KCNK9: variants seen among roughly 807,000 people sequenced by gnomAD.
KCNK9 encodes the protein potassium two pore domain channel subfamily K member 9, also known as potassium channel subfamily K member 9.
Under a neutral mutation model 10.8 loss-of-function variants are expected in KCNK9, and 1 was observed. The ratio of observed to expected loss-of-function variants is 0.09; its 90% CI spans 0.03 to 0.44. The LOEUF (loss-of-function observed/expected upper bound fraction) is 0.44. Among genes scored for constraint, KCNK9 ranks in the 20% least tolerant of loss-of-function variants. KCNK9 has a pLI of 0.97. For missense variants in KCNK9, 303 were observed against 515.0 expected (o/e 0.59, Z 3.98); for synonymous variants, 231 against 222.7 (o/e 1.04, Z -0.33).
At chr8:139,682,208 T>C (rs142330235) in intron 1 of KCNK9, among the ~76,000 whole-genome samples, 3,873 of 152,316 alleles carry the variant, frequency 0.025, 96 homozygotes, top group African/African-American at 0.061. Context: ...GAGAATATTC[T>C]AGAACAGTTA....
chr8:139,675,042 C>G (rs1816519129), intron 1 of KCNK9, among the ~76,000 whole-genome samples: 1 of 152,226 alleles, frequency 6.6e-6, no homozygotes, highest in African/African-American at 2.4e-5. Flanking sequence ...TGGATTCAAT[C>G]CTGGCTCTCT....
At chr8:139,681,570 G>A (rs118032170) in intron 1 of KCNK9, among the ~76,000 whole-genome samples, 4,964 of 152,304 alleles carry the variant, frequency 0.033, 102 homozygotes, top group Non-Finnish European at 0.051. Flanking sequence ...TGAGTGCTTG[G>A]GAGCTGGAAC....
At position 139,693,861 on chromosome 8, in the gene KCNK9, C is replaced by A. The variant is rs1816989905; in HGVS notation, c.283+8849G>T. Reference sequence around the variant, plus strand: ...AGCCATGGGCTTTTAAAGGTCACTGCAGTGGTGGAGTGGAAGGTGGTGTCC... The same window carrying A: ...AGCCATGGGCTTTTAAAGGTCACTGAAGTGGTGGAGTGGAAGGTGGTGTCC... On this transcript the variant is annotated intron_variant, in intron 1 of 1. Transcript: ENST00000520439. This position sits in a 1 kb window ranked among gnomAD's most constrained non-coding sequence, Gnocchi z 4.1. Among the ~76,000 whole-genome samples the A allele has an allele frequency of 6.6e-6, 1 of 152,100 alleles. No individual in the cohort carries two copies. The highest frequency in any genetic ancestry group is 2.1e-4 in the South Asian group (1 of 4,818).
At chr8:139,608,854 T>C (rs1412344238), downstream of KCNK9, among the ~76,000 whole-genome samples, 1 of 152,114 alleles carries the variant, frequency 6.6e-6, no homozygotes, top group Admixed American at 6.5e-5. Context: ...GCTCTTGGCT[T>C]ATGGTTTTGT....
At chr8:139,656,131 T>A (rs949749549) in intron 1 of KCNK9, among the ~76,000 whole-genome samples, 2 of 152,192 alleles carry the variant, frequency 1.3e-5, no homozygotes, top group Non-Finnish European at 2.9e-5. Context: ...ATGAGCCAGG[T>A]TGGGGTACAG....
At chr8:139,651,370 G>A (rs533805097) in intron 1 of KCNK9, among the ~76,000 whole-genome samples, 7 of 152,284 alleles carry the variant, frequency 4.6e-5, no homozygotes, top group African/African-American at 1.4e-4. Flanking sequence ...TCCTGACCAC[G>A]GATGGGCACG....
downstream of KCNK9, among the ~76,000 whole-genome samples, chr8:139,613,418 G>A (rs188929175): frequency 4.2e-4 from 64 of 152,288 alleles, no homozygotes; most frequent in African/African-American, 1.4e-3. Flanking sequence ...TATGCTCAGC[G>A]CTTTGGGGAG....
At chr8:139,635,131 C>T (rs975652532) in intron 1 of KCNK9, among the ~76,000 whole-genome samples, 3 of 152,294 alleles carry the variant, frequency 2.0e-5, no homozygotes, top group Non-Finnish European at 2.9e-5. Flanking sequence ...TGCATAGCTC[C>T]GCTGCCTGGT....
At chr8:139,674,081 G>A (rs917960555) in intron 1 of KCNK9, among the ~76,000 whole-genome samples, 9 of 152,194 alleles carry the variant, frequency 5.9e-5, no homozygotes, top group African/African-American at 2.2e-4. Context: ...CCCACGTGGG[G>A]TGTATTGTGG....
intron 1 of KCNK9, among the ~76,000 whole-genome samples, chr8:139,639,613 T>A (rs777785569): frequency 2.6e-5 from 4 of 152,158 alleles, no homozygotes; most frequent in Non-Finnish European, 5.9e-5. Flanking sequence ...GGGCTTGGCA[T>A]GTGACGAAGG....
intron 1 of KCNK9, among the ~76,000 whole-genome samples, chr8:139,701,543 G>A (rs563010915): frequency 2.0e-5 from 3 of 152,228 alleles, no homozygotes; most frequent in East Asian, 1.9e-4. Context: ...GAAGAAGGGA[G>A]GGGGGAAGGA....
In KCNK9 at chr8:139,633,579, G is replaced by A. The variant is rs540501484; in HGVS notation, c.284-14480C>T. ...CACACACACTCAGACACACGTATAC[G>A]CTCAACAGGCACACTCAGACATGTA... is the stretch of plus-strand genomic sequence containing the variant. On this transcript the variant is annotated intron_variant, in intron 1 of 1. Transcript: ENST00000520439. 2.0e-5 allele frequency among the ~76,000 whole-genome samples: 3 copies of A among 152,282 alleles called. No individual in the cohort carries two copies. The East Asian group carries it at 5.8e-4, about 29-fold the overall frequency.
intron 1 of KCNK9, among the ~76,000 whole-genome samples, chr8:139,648,852 G>T (rs1043900779): frequency 6.6e-6 from 1 of 152,154 alleles, no homozygotes; most frequent in Non-Finnish European, 1.5e-5. Context: ...GGCTGGATGG[G>T]GTGTCATTCC....
intron 2 of KCNK9, chr8:139,602,034 C>T (rs1194580173): frequency 6.6e-6 from 1 of 152,290 alleles, no homozygotes; most frequent in African/African-American, 2.4e-5. Context: ...AGGACCTGGG[C>T]TTAGCCACTG....
At chr8:139,633,777 A>G (rs1416005636) in intron 1 of KCNK9, among the ~76,000 whole-genome samples, 1 of 152,294 alleles carries the variant, frequency 6.6e-6, no homozygotes, top group African/African-American at 2.4e-5. Flanking sequence ...CTGGTCTCCC[A>G]TCCTAGACAA....
At chr8:139,638,021 A>G (rs1270343051) in intron 1 of KCNK9, among the ~76,000 whole-genome samples, 4 of 152,014 alleles carry the variant, frequency 2.6e-5, no homozygotes, top group Admixed American at 2.6e-4. Context: ...CTGAGCACTC[A>G]CTGCTGTGAC....
intron 1 of KCNK9, among the ~76,000 whole-genome samples, chr8:139,645,837 C>G (rs1488177372): frequency 6.6e-6 from 1 of 152,178 alleles, no homozygotes; most frequent in South Asian, 2.1e-4. Context: ...TGGCCTCCAC[C>G]CAGAGGGCAG....
chr8:139,606,455 G>A (rs921261192), intron 2 of KCNK9, among the ~76,000 whole-genome samples: 2 of 152,120 alleles, frequency 1.3e-5, no homozygotes, highest in South Asian at 2.1e-4. Flanking sequence ...ATGGATGCAC[G>A]AGGGTCCATA....
chr8:139,684,297 G>A (rs1014188933), intron 1 of KCNK9, among the ~76,000 whole-genome samples: 4 of 152,166 alleles, frequency 2.6e-5, no homozygotes, highest in Non-Finnish European at 4.4e-5. Context: ...ATACATTTCT[G>A]ATAGCAGTTA....
Sources: gnomAD v4.1 joint callset for allele counts (sites outside exome capture counted in the v4.1 genomes callset) on GRCh38, gnomAD v4.1.1 for gene constraint, Gnocchi (gnomAD v3.1) non-coding constraint, MANE v1.5 for transcripts, NCBI Gene and HGNC (gene_info 2026-07-23, HGNC 2026-07-21) for gene names.